CHL1: variants seen among roughly 807,000 people sequenced by gnomAD.
CHL1 encodes the protein neural cell adhesion molecule L1-like protein.
A neutral mutation model predicts 141.9 loss-of-function variants in CHL1; 96 were observed. The observed-to-expected ratio is 0.68, with a 90% confidence interval of 0.57 to 0.80. The LOEUF is 0.80. Among genes scored for constraint, CHL1 ranks in the 30% least tolerant of loss-of-function variants. CHL1 has a pLI of 0.00. For missense variants in CHL1, 1,820 were observed against 1,457.2 expected, an observed-to-expected ratio of 1.25 and a Z score of -4.05; for synonymous variants, 613 against 502.2, an observed-to-expected ratio of 1.22 and a Z score of -2.95.
chr3:359,689 A>G (rs1437424548), intron 11 of CHL1, among the ~76,000 whole-genome samples: 3 of 152,186 alleles, frequency 2.0e-5, no homozygotes, highest in Non-Finnish European at 4.4e-5. Context: ...CCCAAAGTAG[A>G]AAATCTGGCC....
At chr3:326,499 T>C (rs901870231) in intron 4 of CHL1, among the ~76,000 whole-genome samples, 3 of 151,998 alleles carry the variant, frequency 2.0e-5, no homozygotes, top group Admixed American at 6.6e-5. Context: ...GGTTGTTACT[T>C]GATTTTTTTT....
intron 16 of CHL1, among the ~76,000 whole-genome samples, chr3:379,606 C>T (rs1295928470): frequency 6.6e-6 from 1 of 152,072 alleles, no homozygotes; most frequent in Non-Finnish European, 1.5e-5. Flanking sequence ...CTGCTTGGTG[C>T]TCCCCTTCTC....
At chr3:248,020 G>A (rs1693331231) in intron 2 of CHL1, 1 of 151,866 alleles carries the variant, frequency 6.6e-6, no homozygotes, top group African/African-American at 2.4e-5. Context: ...ATATTTATGG[G>A]CTGTTATGTT....
rs1191867962 is a variant in CHL1 at position 206,071 on chromosome 3, T to G, written c.-175+9008T>G. ...GTTGTCCATCCAAACTTACCTGTTC[T>G]GTGTCCCATTATCCATTTGTGGAAA... On this transcript the variant is annotated intron_variant, in intron 1 of 27. Coordinates refer to ENST00000256509, the MANE Select transcript of CHL1 (RefSeq NM_006614.4). 2.6e-5 allele frequency among the ~76,000 whole-genome samples: 4 copies of G among 152,252 alleles called. No homozygotes were observed. In the South Asian group the frequency reaches 6.2e-4, roughly 24 times the overall value.
intron 2 of CHL1, among the ~76,000 whole-genome samples, chr3:283,087 A>C (rs1696810181): frequency 1.3e-5 from 2 of 152,180 alleles, no homozygotes; most frequent in African/African-American, 2.4e-5. Context: ...TAGTGAATAC[A>C]TCTCTCACTT....
At chr3:399,671 A>G (rs971820476) in intron 26 of CHL1, among the ~76,000 whole-genome samples, 5 of 152,166 alleles carry the variant, frequency 3.3e-5, no homozygotes, top group African/African-American at 1.2e-4. Context: ...AATAGGCTCT[A>G]ACAAGGTTGA....
chr3:262,814 T>G (rs1694845529), intron 2 of CHL1, among the ~76,000 whole-genome samples: 1 of 152,210 alleles, frequency 6.6e-6, no homozygotes, highest in South Asian at 2.1e-4. Flanking sequence ...TCATAATGTT[T>G]AAGACATGGG....
At chr3:232,507 T>G (rs1382241351) in intron 1 of CHL1, among the ~76,000 whole-genome samples, 2 of 152,200 alleles carry the variant, frequency 1.3e-5, no homozygotes, top group Admixed American at 6.5e-5. Context: ...GTAACAGTTT[T>G]AGGTTTTTTA....
chr3:275,734 G>C (rs1162027067), intron 2 of CHL1, among the ~76,000 whole-genome samples: 1 of 152,070 alleles, frequency 6.6e-6, no homozygotes, highest in Non-Finnish European at 1.5e-5. Flanking sequence ...GTTCTATAAT[G>C]AGAAATCTTT....
intron 5 of CHL1, among the ~76,000 whole-genome samples, chr3:337,799 T>G (rs1319514954): frequency 2.0e-5 from 3 of 152,194 alleles, no homozygotes; most frequent in Admixed American, 2.0e-4. Flanking sequence ...TGGTTGCAGG[T>G]CTTTACTATT....
intron 2 of CHL1, among the ~76,000 whole-genome samples, chr3:253,320 T>C (rs1401539103): frequency 2.6e-5 from 4 of 152,038 alleles, no homozygotes; most frequent in South Asian, 4.2e-4. Flanking sequence ...GCGAGTTAGG[T>C]TGTTTAGAGT....
At chr3:237,783 G>C (rs1299877708) in intron 1 of CHL1, among the ~76,000 whole-genome samples, 1 of 152,006 alleles carries the variant, frequency 6.6e-6, no homozygotes. Context: ...CATATAATCT[G>C]TCTTCAACTG....
intron 27 of CHL1, among the ~76,000 whole-genome samples, chr3:404,752 G>A (rs373075986): frequency 3.3e-4 from 50 of 152,300 alleles, no homozygotes; most frequent in African/African-American, 1.1e-3. Flanking sequence ...AGAAGATCAA[G>A]ACTTGGAGGC....
chr3:329,615 A>T (rs1701285289), intron 5 of CHL1, among the ~76,000 whole-genome samples: 1 of 152,008 alleles, frequency 6.6e-6, no homozygotes, highest in African/African-American at 2.4e-5. Context: ...AAAGAAAAAG[A>T]GATAGAAATA....
chr3:225,188 A>G (rs1205948912), intron 1 of CHL1, among the ~76,000 whole-genome samples: 1 of 152,222 alleles, frequency 6.6e-6, no homozygotes, highest in Non-Finnish European at 1.5e-5. Context: ...GATTATGTTA[A>G]TGAATCTTTT....
chr3:330,124 A>G (rs1393770898), intron 5 of CHL1, among the ~76,000 whole-genome samples: 2 of 152,234 alleles, frequency 1.3e-5, no homozygotes, highest in South Asian at 4.1e-4. Flanking sequence ...ATTTGATGAT[A>G]TATTGGGCTA....
At chr3:267,917 G>A (rs925015490) in intron 2 of CHL1, among the ~76,000 whole-genome samples, 3 of 152,098 alleles carry the variant, frequency 2.0e-5, no homozygotes, top group African/African-American at 4.8e-5. Flanking sequence ...CCTTGATATC[G>A]TCATTTTTAG....
At chr3:241,383 T>C (rs1317143836) in intron 1 of CHL1, among the ~76,000 whole-genome samples, 1 of 152,198 alleles carries the variant, frequency 6.6e-6, no homozygotes, top group African/African-American at 2.4e-5. Flanking sequence ...TGAAAAGTAC[T>C]ACTTTGAAAT....
rs142595231 is a variant in CHL1, at chr3:336,032, A to G, written c.386-4762A>G. Reference sequence around the variant, plus strand: ...AATCAAATGAGTTAGGTGTTATTACATTTCCCACTTATGAATGACGACACT... The same window carrying G: ...AATCAAATGAGTTAGGTGTTATTACGTTTCCCACTTATGAATGACGACACT... On this transcript the variant is annotated intron_variant, in intron 5 of 27. Coordinates refer to ENST00000256509, the MANE Select transcript of CHL1 (RefSeq NM_006614.4). Among the ~76,000 whole-genome samples the G allele has an allele frequency of 7.4e-4, 113 of 152,338 alleles. No homozygotes were observed. The East Asian group carries it at 0.016, about 22-fold the overall frequency.
Sources: gnomAD v4.1 joint callset for allele counts (sites outside exome capture counted in the v4.1 genomes callset) on GRCh38, gnomAD v4.1.1 for gene constraint, MANE v1.5 for transcripts, NCBI Gene and HGNC (gene_info 2026-07-23, HGNC 2026-07-21) for gene names.